DNAH6: variants seen among roughly 807,000 people sequenced by gnomAD.
DNAH6 encodes the protein axonemal beta dynein heavy chain 6.
DNAH6 carries 340 observed loss-of-function variants against 491.4 expected under a neutral mutation model. The ratio of observed to expected loss-of-function variants is 0.69; its 90% confidence interval spans 0.63 to 0.76. DNAH6 has a LOEUF of 0.76. Ranked by LOEUF, DNAH6 falls within the 30% of genes least tolerant of loss-of-function variation. The probability of loss-of-function intolerance (pLI) is 0.00; values close to 1 mark genes in which losing one functional copy is unlikely to be tolerated. For missense variants in DNAH6, 4,443 were observed against 4,972.2 expected (o/e 0.89, Z 3.20); for synonymous variants, 1,603 against 1,686.1 (o/e 0.95, Z 1.21).
chr2:84,807,932 T>C (rs1192366), intron 71 of DNAH6, among the ~76,000 whole-genome samples: 18,194 of 152,156 alleles, frequency 0.12, 1,120 homozygotes, highest in Non-Finnish European at 0.13. Flanking sequence ...CCTTCCTTTT[T>C]CCAGTCCTCC....
intron 11 of DNAH6, among the ~76,000 whole-genome samples, chr2:84,567,061 A>G (rs1021112879): frequency 2.6e-5 from 4 of 152,128 alleles, no homozygotes; most frequent in Non-Finnish European, 5.9e-5. Flanking sequence ...GGGTTATCTA[A>G]CTATGACTTA....
chr2:84,497,243 A>G, the DNAH6 span, among the ~76,000 whole-genome samples: 5 of 152,152 alleles, frequency 3.3e-5, no homozygotes, highest in Admixed American at 3.3e-4. Flanking sequence ...AGTGCTGGGA[A>G]TACAGGCATG....
chr2:84,653,973 T>C (rs1224108055), intron 34 of DNAH6, 99 bp downstream of exon 34: 1 of 927,924 alleles, frequency 1.1e-6, no homozygotes, highest in Non-Finnish European at 1.6e-6. Context: ...CTATCTATAA[T>C]GTCTATTATT....
intron 16 of DNAH6, among the ~76,000 whole-genome samples, chr2:84,592,931 A>T (rs1234130798): frequency 2.0e-5 from 3 of 152,102 alleles, no homozygotes; most frequent in Admixed American, 1.3e-4. Context: ...GGCTGGGAGG[A>T]AGGGGAAATG....
chr2:84,682,552 G>C (rs1693885540), intron 42 of DNAH6, among the ~76,000 whole-genome samples: 1 of 152,016 alleles, frequency 6.6e-6, no homozygotes, highest in South Asian at 2.1e-4. Context: ...TTCTCAGTGT[G>C]CACCCTCAGG....
the DNAH6 span, among the ~76,000 whole-genome samples, chr2:84,500,746 G>C: frequency 1.3e-5 from 2 of 152,004 alleles, no homozygotes; most frequent in East Asian, 1.9e-4. Context: ...AAATCTTTCA[G>C]TGGTTTGGTT....
At chr2:84,714,755 A>G (rs549860527) in intron 57 of DNAH6, among the ~76,000 whole-genome samples, 27 of 151,954 alleles carry the variant, frequency 1.8e-4, no homozygotes, top group African/African-American at 6.5e-4. Context: ...ACAAGACCCA[A>G]GCCTAGCTCT....
intron 11 of DNAH6, among the ~76,000 whole-genome samples, chr2:84,570,781 C>A (rs756007565): frequency 2.6e-5 from 4 of 152,200 alleles, no homozygotes; most frequent in Non-Finnish European, 5.9e-5. Context: ...CACTCGGGTC[C>A]CCTTCCACGC....
In DNAH6 at chr2:84,642,370, A is replaced by G. The variant is rs142410901; in HGVS notation, c.5078+316A>G. Among the ~76,000 whole-genome samples the G allele has an allele frequency of 2.3e-3, 349 of 152,318 alleles. 2 individuals are homozygous for G. The highest frequency in any genetic ancestry group is 8.1e-3 in the African/African-American group (337 of 41,584). ...GTCAGACTTGGGGTTTAACATAAAT[A>G]CAATTGCTTTTATCCATTTTGTTGT... is the stretch of plus-strand genomic sequence containing the variant. On this transcript the variant is annotated intron_variant, in intron 33 of 76. Coordinates refer to ENST00000389394, the MANE Select transcript of DNAH6 (RefSeq NM_001370.2).
At position 84,703,604 on chromosome 2, in the gene DNAH6, G is replaced by T. The variant is rs189108844; in HGVS notation, c.8229+42G>T. The T allele has an allele frequency of 9.8e-5, 147 of 1,494,380 alleles. No individual in the cohort carries two copies. In the Middle Eastern group the frequency reaches 2.8e-3, roughly 28 times the overall value. The allele number at this position is 1,494,380 out of a possible 1,614,324, so 92.6% of individuals were successfully genotyped here. On this transcript the variant is annotated intron_variant, in intron 50 of 76. Transcript: ENST00000389394. Reference sequence around the variant, plus strand: ...GAGAATGTGGAAAAGGCTTCTGTCAGCAACTGATCACTTATATATAATGAG... The same window carrying T: ...GAGAATGTGGAAAAGGCTTCTGTCATCAACTGATCACTTATATATAATGAG...
At chr2:84,543,908 T>C (rs1306082969) in intron 4 of DNAH6, among the ~76,000 whole-genome samples, 2 of 152,102 alleles carry the variant, frequency 1.3e-5, no homozygotes, top group African/African-American at 4.8e-5. Context: ...TTCTGAAGAG[T>C]TAATAATAGC....
chr2:84,525,636 G>T lies in DNAH6; in HGVS notation c.297G>T (p.Met99Ile). ...ATGAACAGAACCGATTTCAGTTAAT[G>T]ACTGCAGGAATCATTAAACGTCCAG... ...YIHEQNRFQL[M>I]TAGIIKRPVS... Residue 99 changes from methionine to isoleucine, a missense_variant, in exon 3 of 77, where the codon ATG becomes ATT. Coordinates refer to ENST00000389394, the MANE Select transcript of DNAH6 (RefSeq NM_001370.2). The T allele has an allele frequency of 6.4e-7, 1 of 1,550,508 alleles. No individual in the cohort carries two copies. The highest frequency in any genetic ancestry group is 1.2e-5 in the South Asian group (1 of 83,938).
chr2:84,479,786 G>A, the DNAH6 span, among the ~76,000 whole-genome samples: 1 of 152,232 alleles, frequency 6.6e-6, no homozygotes, highest in African/African-American at 2.4e-5. Flanking sequence ...CTCCAAGGTA[G>A]AAGAGAATAA....
At chr2:84,672,046 A>G (rs1692787385) in intron 39 of DNAH6, among the ~76,000 whole-genome samples, 1 of 152,222 alleles carries the variant, frequency 6.6e-6, no homozygotes, top group Admixed American at 6.5e-5. Context: ...AGACAGAGAA[A>G]GGTTCACTCC....
chr2:84,688,354 C>T, intron 44 of DNAH6, 85 bp from the exon 45 acceptor site: 2 of 1,169,454 alleles, frequency 1.7e-6, no homozygotes, highest in Non-Finnish European at 2.3e-6. Flanking sequence ...CAGTGTAGCT[C>T]TTGAAGAAGT....
rs1214772878 is a variant in DNAH6 at position 84,654,779 on chromosome 2, A to C, written c.5754A>C (p.Lys1918Asn). 6.4e-7 allele frequency: 1 copy of C among 1,550,586 alleles called. No individual in the cohort carries two copies. The highest frequency in any genetic ancestry group is 8.7e-7 in the Non-Finnish European group (1 of 1,146,036). Residue 1918 changes from lysine to asparagine, a missense_variant, in exon 35 of 77, where the codon AAA (lysine) becomes AAC (asparagine). This residue lies in a region of DNAH6 where 2,977 missense variants were observed against 3,296.6 expected (regional missense o/e 0.90). Transcript: ENST00000389394. The part of the protein sequence containing the change: ...YVKTWMKGIS[K>N]KLTEETQEYI... Reference sequence around the variant, plus strand: ...AAACTTGGATGAAGGGTATTTCTAAAAAAGTAAGTGCCATCAGATATTCCC... The same window carrying C: ...AAACTTGGATGAAGGGTATTTCTAACAAAGTAAGTGCCATCAGATATTCCC...
In DNAH6 at chr2:84,658,347, A is replaced by G; in HGVS notation, c.5813A>G (p.Glu1938Gly). ...ILNLFQRYVD[E>G]GLHFINKKCS... ...AATCTTTTCCAACGTTATGTTGATG[A>G]AGGTTTACATTTTATCAATAAAAAG... Residue 1938 changes from glutamate to glycine, a missense_variant, in exon 36 of 77, where the codon GAA becomes GGA. Physicochemically the swap from Glu to Gly is moderately conservative, Grantham distance 98. Around this residue, in one of 3 missense-constraint regions of DNAH6, gnomAD observed 2,977 missense variants for 3,296.6 expected, o/e 0.90. Transcript: ENST00000389394. 6.5e-7 allele frequency: 1 copy of G among 1,547,202 alleles called. No individual in the cohort carries two copies. The highest frequency in any genetic ancestry group is 8.7e-7 in the Non-Finnish European group (1 of 1,144,872).
At chr2:84,780,778 G>C (rs529862855) in intron 64 of DNAH6, among the ~76,000 whole-genome samples, 5 of 139,020 alleles carry the variant, frequency 3.6e-5, no homozygotes, top group Non-Finnish European at 7.7e-5. Context: ...TTTCGTTGAG[G>C]CTTTTTTTTT....
At chr2:84,810,349 A>T (rs913641973) in intron 72 of DNAH6, among the ~76,000 whole-genome samples, 2 of 152,206 alleles carry the variant, frequency 1.3e-5, no homozygotes, top group African/African-American at 4.8e-5. Flanking sequence ...AAGTGAACAA[A>T]TGTGACTCTC....
Sources: allele counts gnomAD v4.1 joint callset (sites outside exome capture counted in the v4.1 genomes callset), GRCh38; gene constraint gnomAD v4.1.1; regional missense constraint gnomAD v4.1.1; transcripts MANE v1.5; gene names NCBI Gene and HGNC (gene_info 2026-07-23, HGNC 2026-07-21).